ZNF558: variants seen among roughly 807,000 people sequenced by gnomAD.
ZNF558 encodes zinc finger protein 558.
A neutral mutation model predicts 37.6 loss-of-function variants in ZNF558; 23 were observed. That is an observed-to-expected ratio of 0.61 (90% CI 0.44 to 0.87). ZNF558 has a LOEUF of 0.87. Ranked by LOEUF, ZNF558 falls within the 40% of genes least tolerant of loss-of-function variation. ZNF558 has a pLI of 0.00. For synonymous variants in ZNF558, 189 were observed against 174.4 expected (o/e 1.08, Z -0.66); for missense variants, 429 against 483.7 (o/e 0.89, Z 1.06).
rs372391907 is a variant in ZNF558, at chr19:8,811,798, G to A, written c.692C>T (p.Thr231Ile). Residue 231 changes from threonine (T) to isoleucine (I), a missense_variant, in exon 10 of 10, where the codon ACT (threonine) becomes ATT (isoleucine). Coordinates refer to ENST00000601372, the MANE Select transcript of ZNF558 (RefSeq NM_144693.3). ...GTTACATTCATAGGGTTTTTCTCCA[G>A]TGTGAATTCTCAAATGCAGTCTAAG... ...SSLRLHLRIH[T>I]GEKPYECNQC... The A allele has an allele frequency of 1.9e-5, 31 of 1,614,058 alleles. No individual in the cohort carries two copies. Among genetic ancestry groups the A allele is most frequent in the Non-Finnish European group, 2.5e-5 (30 of 1,180,040 alleles).
At chr19:8,813,359 CTTT>C in intron 7 of ZNF558, 137 bp from the exon 8 acceptor site, 1 of 672,222 alleles carries the variant, frequency 1.5e-6, no homozygotes. Context: ...TAATTCTTTT[CTTT>C]TTTTTATTTA....
intron 7 of ZNF558, among the ~76,000 whole-genome samples, chr19:8,819,461 G>A (rs769013197): frequency 2.0e-5 from 3 of 152,106 alleles, no homozygotes; most frequent in Non-Finnish European, 4.4e-5. Flanking sequence ...GATTACAGGC[G>A]TGAGCCACTC....
chr19:8,829,725 G>GA (rs1477104797), intron 2 of ZNF558, among the ~76,000 whole-genome samples: 1 of 152,056 alleles, frequency 6.6e-6, no homozygotes, highest in Non-Finnish European at 1.5e-5. Flanking sequence ...CCTTGGTCCT[G>GA]AAAAAATGAG....
chr19:8,813,157 C>T lies in ZNF558; in HGVS notation c.313G>A (p.Glu105Lys), dbSNP rs1219731153. 2.5e-6 allele frequency: 4 copies of T among 1,597,474 alleles called. No individual in the cohort carries two copies. The highest frequency in any genetic ancestry group is 3.4e-6 in the Non-Finnish European group (4 of 1,171,394). The change falls in exon 8 of 10, where the codon GAA (glutamate) becomes AAA (lysine). Residue 105 changes from glutamate to lysine, a missense_variant. Transcript: ENST00000601372. Reference protein sequence around the residue: ...LEQDKKVVTEERGILPSTCPD... With the variant: ...LEQDKKVVTEKRGILPSTCPD... ...CAGGTGCTTGGTAGAATTCCTCTTTCCTCTGTCACCACCTTCTTGTCTTGT... is the reference window on the plus strand; with the variant it reads ...CAGGTGCTTGGTAGAATTCCTCTTTTCTCTGTCACCACCTTCTTGTCTTGT...
At chr19:8,812,774 A>C in intron 8 of ZNF558, 131 bp from the exon 9 acceptor site, 1 of 560,132 alleles carries the variant, frequency 1.8e-6, no homozygotes, top group Non-Finnish European at 3.0e-6. Context: ...TGGTTATGAA[A>C]ATTTTAGGTA....
At chr19:8,827,137 T>C (rs1349683497) in intron 2 of ZNF558, among the ~76,000 whole-genome samples, 1 of 147,322 alleles carries the variant, frequency 6.8e-6, no homozygotes, top group East Asian at 2.0e-4. Context: ...ACAGGAGGGG[T>C]CTCTTCAGTT....
At chr19:8,828,608 G>A (rs1417851078) in intron 2 of ZNF558, among the ~76,000 whole-genome samples, 1 of 152,176 alleles carries the variant, frequency 6.6e-6, no homozygotes, top group African/African-American at 2.4e-5. Context: ...TAACCTCCAT[G>A]TATTGCTTTA....
At chr19:8,824,538 T>C (rs2044186412) in intron 3 of ZNF558, 121 bp from the exon 4 acceptor site, 2 of 152,232 alleles carry the variant, frequency 1.3e-5, no homozygotes, top group Non-Finnish European at 2.9e-5. Flanking sequence ...ACAATCCCGA[T>C]CCTGCTTCTC....
chr19:8,837,072 T>C (rs1276475477), upstream of ZNF558, among the ~76,000 whole-genome samples: 1 of 152,204 alleles, frequency 6.6e-6, no homozygotes, highest in Non-Finnish European at 1.5e-5. Context: ...TCTCAAGTAA[T>C]GCAAAACATT....
At chr19:8,829,595 G>A (rs1373459571) in intron 2 of ZNF558, among the ~76,000 whole-genome samples, 1 of 152,112 alleles carries the variant, frequency 6.6e-6, no homozygotes, top group Non-Finnish European at 1.5e-5. Context: ...TAGGACAGGG[G>A]CCATTTCAGG....
At chr19:8,825,355 C>T (rs1168271862) in intron 2 of ZNF558, among the ~76,000 whole-genome samples, 4 of 151,966 alleles carry the variant, frequency 2.6e-5, no homozygotes, top group Non-Finnish European at 5.9e-5. Flanking sequence ...CGGTTTTTGC[C>T]ATTACTTTCG....
upstream of ZNF558, among the ~76,000 whole-genome samples, chr19:8,834,852 C>T (rs752187796): frequency 7.3e-5 from 11 of 151,320 alleles, no homozygotes; most frequent in Admixed American, 4.6e-4. Flanking sequence ...AAACAGGTGG[C>T]GAAAGAAAAA....
At position 8,813,462 on chromosome 19, in the gene ZNF558, G is replaced by A. The variant is rs147924176; in HGVS notation, c.248-240C>T. ...CAACCTCTGCCTTCCAGGTTCAAGC[G>A]ATTCTCCTGCCTCAGCCTCCCAAGT... is the stretch of plus-strand genomic sequence containing the variant. On this transcript the variant is annotated intron_variant, in intron 7 of 9. Coordinates refer to ENST00000601372, the MANE Select transcript of ZNF558 (RefSeq NM_144693.3). 7.6e-4 allele frequency among the ~76,000 whole-genome samples: 116 copies of A among 152,212 alleles called. 1 individual carries two copies. The East Asian group carries it at 0.014, about 18-fold the overall frequency.
intron 6 of ZNF558, 53 bp downstream of exon 6, chr19:8,821,950 C>A (rs1187475602): frequency 4.4e-6 from 7 of 1,608,558 alleles, no homozygotes; most frequent in Non-Finnish European, 5.9e-6. Flanking sequence ...GGTATCAAGT[C>A]CAACCTTCTG....
At position 8,811,225 on chromosome 19, in the gene ZNF558, C is replaced by T. The variant is rs975842707; in HGVS notation, c.*56G>A. 32 of 1,493,286 alleles carry T rather than the reference C, an allele frequency of 2.1e-5. No individual in the cohort carries two copies. The highest frequency in any genetic ancestry group is 4.2e-5 in the African/African-American group (3 of 71,138). 92.5% of individuals were successfully genotyped at this position (1,493,286 alleles called of 1,614,324 possible). A position where few individuals can be genotyped will look rare whatever the true frequency, so the allele number is the denominator to read the frequency against. On this transcript the variant is annotated 3_prime_UTR_variant, in exon 10 of 10. Coordinates refer to ENST00000601372, the MANE Select transcript of ZNF558 (RefSeq NM_144693.3). ...TATATCCAGTGTGAGCTCTCTCAAA[C>T]TATCTTAGGGATGAAAGATCAATGA...
chr19:8,821,130 G>C, intron 7 of ZNF558, 50 bp downstream of exon 7: 1 of 1,590,130 alleles, frequency 6.3e-7, no homozygotes, highest in South Asian at 1.1e-5. Context: ...AAGCAGGCAA[G>C]TGTTGCCACT....
chr19:8,832,522 G>A (rs1247929155), upstream of ZNF558: 1 of 153,096 alleles, frequency 6.5e-6, no homozygotes, highest in African/African-American at 2.4e-5. Context: ...CAGTAGCGGG[G>A]GTAAGGTTGG....
At chr19:8,832,796 G>A (rs1298843860), upstream of ZNF558, among the ~76,000 whole-genome samples, 1 of 152,136 alleles carries the variant, frequency 6.6e-6, no homozygotes, top group African/African-American at 2.4e-5. Context: ...CTCCATTTCC[G>A]GGGCGGGGCT....
chr19:8,812,733 G>T, intron 8 of ZNF558, 90 bp from the exon 9 acceptor site: 1 of 735,382 alleles, frequency 1.4e-6, no homozygotes, highest in Non-Finnish European at 2.1e-6. Context: ...AGGGATCAGG[G>T]TTTTTGAGGA....
Sources: allele counts gnomAD v4.1 joint callset (sites outside exome capture counted in the v4.1 genomes callset), GRCh38; gene constraint gnomAD v4.1.1; transcripts MANE v1.5; gene names NCBI Gene and HGNC (gene_info 2026-07-23, HGNC 2026-07-21).